Variants in LIPE observed in about 807,000 individuals in gnomAD.
LIPE encodes hormone-sensitive lipase.
Under a neutral mutation model 88.5 loss-of-function variants are expected in LIPE, and 66 were observed. The ratio of observed to expected loss-of-function variants is 0.75; its 90% CI spans 0.61 to 0.91. LIPE has a LOEUF of 0.91. LIPE is among the 40% of genes least tolerant of loss of function. The pLI, the probability that LIPE is intolerant of heterozygous loss-of-function variation, is 0.00. For missense variants in LIPE, 1,346 were observed against 1,434.7 expected (o/e 0.94, Z 1.00); for synonymous variants, 570 against 617.5 (o/e 0.92, Z 1.14).
Position 42,403,292 on chromosome 19 carries a change from T to TGAGA in LIPE, c.2543-262_2543-261insTCTC, listed in dbSNP as rs1555787937. Among the ~76,000 whole-genome samples, 100 of 129,214 alleles carry TGAGA rather than the reference T, an allele frequency of 7.7e-4. 4 individuals are homozygous for TGAGA. In the South Asian group the frequency reaches 0.014, roughly 18 times the overall value. 84.8% of individuals were successfully genotyped at this position (129,214 alleles called of 152,430 possible). A position where few individuals can be genotyped will look rare whatever the true frequency, so the allele number is the denominator to read the frequency against. The stretch of plus-strand genomic sequence containing the variant: ...GTGTGTGTGTGTGTGTGTGTGTGTG[T>TGAGA]GACTGGGAAGATTAGGTGCAGTTTA... On this transcript the variant is annotated intron_variant, in intron 8 of 9. Transcript: ENST00000244289.
intron 9 of LIPE, among the ~76,000 whole-genome samples, chr19:42,402,344 T>A (rs2040007352): frequency 1.3e-5 from 2 of 152,074 alleles, no homozygotes; most frequent in Non-Finnish European, 2.9e-5. Flanking sequence ...CCACCTTTTT[T>A]TTCTCTTGAT....
chr19:42,402,551 C>T, intron 9 of LIPE, 56 bp downstream of exon 9: 1 of 1,400,446 alleles, frequency 7.1e-7, no homozygotes, highest in Admixed American at 2.7e-5. Flanking sequence ...CCCCCTCCTC[C>T]CCGGGTGCCC....
rs200855923 is a variant in LIPE at position 42,410,530 on chromosome 19, C to G, written c.1196G>C (p.Arg399Pro). 6.2e-7 allele frequency: 1 copy of G among 1,612,616 alleles called. No individual in the cohort carries two copies. Among genetic ancestry groups the G allele is most frequent in the Admixed American group, 1.7e-5 (1 of 59,996 alleles). ...HKSRYVASNR[R>P]SIFFRTSHNL... is the part of the protein sequence containing the mutation. ...GTGGCTGGTGCGGAAGAAGATGCTG[C>G]GGCGGTTGGAGGCCACATAGCGGGA... Residue 399 changes from arginine (R) to proline (P), a missense_variant, in exon 2 of 10, where the codon CGC becomes CCC. Physicochemically the swap from Arg to Pro is moderately radical, Grantham distance 103 (BLOSUM62 -2). Coordinates refer to ENST00000244289, the MANE Select transcript of LIPE (RefSeq NM_005357.4). The surrounding 1 kb of genome is among the most constrained non-coding windows in gnomAD (Gnocchi z 6.1).
chr19:42,413,780 C>A (rs1255634696), intron 1 of LIPE, among the ~76,000 whole-genome samples: 1 of 152,222 alleles, frequency 6.6e-6, no homozygotes, highest in Non-Finnish European at 1.5e-5. Context: ...GACTGTCATC[C>A]CCCAGGTGGC....
chr19:42,425,649 G>A (rs557675481), intron 1 of LIPE, among the ~76,000 whole-genome samples: 1 of 152,096 alleles, frequency 6.6e-6, no homozygotes, highest in Non-Finnish European at 1.5e-5. Context: ...ACGTCTCTAC[G>A]GAAAATGTAA....
intron 1 of LIPE, among the ~76,000 whole-genome samples, chr19:42,415,547 A>G (rs2040468997): frequency 6.6e-6 from 1 of 152,300 alleles, no homozygotes; most frequent in South Asian, 2.1e-4. Flanking sequence ...ATGGTGGCTC[A>G]TGCCTGTAAT....
chr19:42,413,207 CATG>C (rs2040420074), intron 1 of LIPE, among the ~76,000 whole-genome samples: 1 of 152,350 alleles, frequency 6.6e-6, no homozygotes, highest in South Asian at 2.1e-4. Flanking sequence ...TATTTTCTGC[CATG>C]ATATTTAGTT....
chr19:42,423,786 C>A, intron 1 of LIPE: 9 of 1,110,390 alleles, frequency 8.1e-6, no homozygotes, highest in South Asian at 2.1e-5. Flanking sequence ...AAAAAGGCAA[C>A]CCCGGGGGTG....
Position 42,403,199 on chromosome 19 carries a change from T to C in LIPE, c.2543-168A>G, listed in dbSNP as rs2040047098. ...GAGTTCCAGATGCCCCAGGTGGTCA[T>C]GGTGGGGGTCTTGGCAGTGGGGCAG... On this transcript the variant is annotated intron_variant, in intron 8 of 9. Coordinates refer to ENST00000244289, the MANE Select transcript of LIPE (RefSeq NM_005357.4). 3 of 607,594 alleles carry C rather than the reference T, an allele frequency of 4.9e-6. No homozygotes were observed. The Admixed American group carries it at 9.8e-5, about 20-fold the overall frequency. 37.6% of individuals were successfully genotyped at this position (607,594 alleles called of 1,614,324 possible). A position where few individuals can be genotyped will look rare whatever the true frequency, so the allele number is the denominator to read the frequency against.
intron 1 of LIPE, chr19:42,424,175 G>A: frequency 9.0e-7 from 1 of 1,106,050 alleles, no homozygotes; most frequent in Non-Finnish European, 1.2e-6. Flanking sequence ...CTCTGTCTCC[G>A]CCCCCTAATC....
Position 42,411,505 on chromosome 19 carries a change from GGA to G in LIPE, c.884-665_884-664del, listed in dbSNP as rs2040374325. 3 of 164,110 alleles carry G rather than the reference GGA, an allele frequency of 1.8e-5. No homozygotes were observed. The Admixed American group carries it at 2.0e-4, about 11-fold the overall frequency. The allele number at this position is 164,110 out of a possible 1,614,324, so 10.2% of individuals were successfully genotyped here. ...GGCCCTTCCCCTCCAACAACATTTG[GGA>G]GAGTTCAGCCCCAGCCCTCCCATTC... On this transcript the variant is annotated intron_variant, in intron 1 of 9. Coordinates refer to ENST00000244289, the MANE Select transcript of LIPE (RefSeq NM_005357.4).
chr19:42,420,343 G>A (rs953454391), intron 1 of LIPE, among the ~76,000 whole-genome samples: 1 of 152,088 alleles, frequency 6.6e-6, no homozygotes, highest in African/African-American at 2.4e-5. Flanking sequence ...TGTCATGGCT[G>A]GCGTGTGTCC....
intron 1 of LIPE, among the ~76,000 whole-genome samples, chr19:42,419,292 T>C (rs1165187682): frequency 6.6e-6 from 1 of 151,812 alleles, no homozygotes; most frequent in Non-Finnish European, 1.5e-5. Context: ...AAAATTAAAA[T>C]AAAATAAATA....
Position 42,404,065 on chromosome 19 carries a change from C to CT in LIPE, c.2543-1035dup, listed in dbSNP as rs528946715. Among the ~76,000 whole-genome samples, 1,263 of 138,704 alleles carry CT rather than the reference C, an allele frequency of 9.1e-3. 15 individuals are homozygous for CT. Among genetic ancestry groups the CT allele is most frequent in the African/African-American group, 0.024 (925 of 37,844 alleles). The allele number at this position is 138,704 out of a possible 152,430, so 91.0% of individuals were successfully genotyped here. Reference sequence around the variant, plus strand: ...AAGATGCTACAGTTTTAGTTTTTTACTTTTTTTTTTTTTTTTTGAGATGGA... The same window carrying CT: ...AAGATGCTACAGTTTTAGTTTTTTACTTTTTTTTTTTTTTTTTTGAGATGGA... On this transcript the variant is annotated intron_variant, in intron 8 of 9. Transcript: ENST00000244289.
At chr19:42,423,533 C>G (rs1330130414) in intron 1 of LIPE, 1 of 1,253,114 alleles carries the variant, frequency 8.0e-7, no homozygotes, top group Non-Finnish European at 1.0e-6. Flanking sequence ...CCGGCCAACT[C>G]CATCAATTCC....
intron 1 of LIPE, among the ~76,000 whole-genome samples, chr19:42,422,624 T>A (rs192674040): frequency 2.9e-3 from 447 of 152,284 alleles, no homozygotes; most frequent in Non-Finnish European, 3.9e-3. Context: ...CGGGTCCCCA[T>A]GCTGATTGAT....
At chr19:42,423,200 G>A (rs576533397) in intron 1 of LIPE, 1 of 302,410 alleles carries the variant, frequency 3.3e-6, no homozygotes, top group South Asian at 2.4e-5. Flanking sequence ...CTCCCAAGCC[G>A]ATCCGGGCGT....
rs771693796 is a variant in LIPE at position 42,407,706 on chromosome 19, GCAGT to G, written c.1738_1741del (p.Thr580ProfsTer42). ...GATGGTGACCGTGAGCGTGGGGTCGGCAGTCAGTGGCATCTCAAAGGCTTCGGGT... is the reference window on the plus strand; with the variant it reads ...GATGGTGACCGTGAGCGTGGGGTCGGCAGTGGCATCTCAAAGGCTTCGGGT... On this transcript the variant is annotated frameshift_variant, in exon 5 of 10. Coordinates refer to ENST00000244289, the MANE Select transcript of LIPE (RefSeq NM_005357.4). LOFTEE classifies it high-confidence loss of function. This position sits in a 1 kb window ranked among gnomAD's most constrained non-coding sequence, Gnocchi z 5.8. 2 of 1,585,274 alleles carry G rather than the reference GCAGT, an allele frequency of 1.3e-6. No individual in the cohort carries two copies. Among genetic ancestry groups the G allele is most frequent in the Middle Eastern group, 1.7e-4 (1 of 5,922 alleles).
In LIPE at chr19:42,426,691, A is replaced by G. The variant is rs1568616702; in HGVS notation, c.459T>C (p.Ala153=). The G allele has an allele frequency of 7.4e-6, 12 of 1,614,148 alleles. No individual in the cohort carries two copies. The highest frequency in any genetic ancestry group is 1.0e-5 in the Non-Finnish European group (12 of 1,180,026). ...PGEPPPAQQE[A]ESTPAAQAKP... Reference sequence around the variant, plus strand: ...TAGCCTGGGCCGCAGGTGTTGATTCAGCTTCTTGTTGAGCTGGAGGTGGCT... The same window carrying G: ...TAGCCTGGGCCGCAGGTGTTGATTCGGCTTCTTGTTGAGCTGGAGGTGGCT... The change falls in exon 1 of 10, where the codon GCT becomes GCC. Residue 153 remains alanine (A), a synonymous_variant. Transcript: ENST00000244289.
Sources: allele counts gnomAD v4.1 joint callset (sites outside exome capture counted in the v4.1 genomes callset), GRCh38; gene constraint gnomAD v4.1.1; non-coding constraint Gnocchi (gnomAD v3.1); transcripts MANE v1.5; gene names NCBI Gene and HGNC (gene_info 2026-07-23, HGNC 2026-07-21).